SAMD5: variants seen among roughly 807,000 people sequenced by gnomAD.
SAMD5 encodes the protein sterile alpha motif domain-containing protein 5.
Under a neutral mutation model 11.3 loss-of-function variants are expected in SAMD5, and 13 were observed. The ratio of observed to expected loss-of-function variants is 1.15; its 90% CI spans 0.75 to 1.83. The LOEUF (loss-of-function observed/expected upper bound fraction) is 1.83, where lower values mean the gene tolerates loss of function less well. Ranked by LOEUF, SAMD5 falls within the 40% of genes most tolerant of loss-of-function variation. The pLI, the probability that SAMD5 is intolerant of heterozygous loss-of-function variation, is 0.00. For missense variants in SAMD5, 255 were observed against 239.1 expected, an observed-to-expected ratio of 1.07 and a Z score of -0.44; for synonymous variants, 129 against 111.3, an observed-to-expected ratio of 1.16 and a Z score of -1.00.
the SAMD5 span, among the ~76,000 whole-genome samples, chr6:147,780,745 A>G: frequency 2.0e-5 from 3 of 152,236 alleles, no homozygotes; most frequent in African/African-American, 7.2e-5. Context: ...ACTTTTTCAT[A>G]TAATAAATGT....
intron 1 of SAMD5, among the ~76,000 whole-genome samples, chr6:147,582,157 G>A (rs1266325502): frequency 5.3e-5 from 8 of 152,082 alleles, no homozygotes; most frequent in Non-Finnish European, 8.8e-5. Context: ...TCAGAAGTTC[G>A]AGACCAGGCT....
At chr6:147,541,662 C>G (rs1788606215) in intron 1 of SAMD5, among the ~76,000 whole-genome samples, 1 of 152,120 alleles carries the variant, frequency 6.6e-6, no homozygotes, top group South Asian at 2.1e-4. Flanking sequence ...ATCAGCAACC[C>G]CTTCTGAGAT....
chr6:147,855,987 C>A, the SAMD5 span, among the ~76,000 whole-genome samples: 1 of 152,084 alleles, frequency 6.6e-6, no homozygotes, highest in Non-Finnish European at 1.5e-5. Context: ...AATGTACATG[C>A]AAATTGTATT....
chr6:147,635,513 C>G (rs1790217142), intron 1 of SAMD5, among the ~76,000 whole-genome samples: 1 of 152,050 alleles, frequency 6.6e-6, no homozygotes, highest in African/African-American at 2.4e-5. Flanking sequence ...GTTTAATTTC[C>G]CCTTCAGTCT....
chr6:147,725,454 T>A (rs895724448), intron 1 of SAMD5, among the ~76,000 whole-genome samples: 1 of 149,768 alleles, frequency 6.7e-6, no homozygotes, highest in East Asian at 2.1e-4. Context: ...AGTGGCTCAA[T>A]CTCAGCTCGC....
the SAMD5 span, among the ~76,000 whole-genome samples, chr6:147,858,723 C>T: frequency 1.3e-5 from 2 of 152,286 alleles, no homozygotes; most frequent in African/African-American, 2.4e-5. Flanking sequence ...GAACTCTACT[C>T]GTTCCATCTT....
intron 1 of SAMD5, among the ~76,000 whole-genome samples, chr6:147,604,568 T>G (rs1789671175): frequency 6.6e-6 from 1 of 152,204 alleles, no homozygotes; most frequent in African/African-American, 2.4e-5. Context: ...GGATCCAATT[T>G]CAATTCTGGT....
At chr6:147,626,228 C>A (rs192998208) in intron 1 of SAMD5, among the ~76,000 whole-genome samples, 16 of 152,158 alleles carry the variant, frequency 1.1e-4, no homozygotes, top group African/African-American at 3.6e-4. Flanking sequence ...GTGCCAGCAA[C>A]CCCCATCTCA....
chr6:147,515,633 C>T (rs1452618446), intron 1 of SAMD5, among the ~76,000 whole-genome samples: 1 of 140,474 alleles, frequency 7.1e-6, no homozygotes, highest in Non-Finnish European at 1.5e-5. Context: ...TCCATCCTTC[C>T]ACTTAACAAA....
the SAMD5 span, among the ~76,000 whole-genome samples, chr6:147,893,118 C>G: frequency 6.6e-6 from 1 of 151,524 alleles, no homozygotes; most frequent in South Asian, 2.1e-4. Flanking sequence ...AGGAGAATCG[C>G]TTGAACCTGG....
At chr6:147,667,038 A>G (rs754280257) in intron 1 of SAMD5, among the ~76,000 whole-genome samples, 13 of 152,130 alleles carry the variant, frequency 8.5e-5, no homozygotes, top group Non-Finnish European at 1.6e-4. Flanking sequence ...GAAGCCTTCT[A>G]GAGCCCTTCT....
At chr6:147,865,070 T>C in the SAMD5 span, among the ~76,000 whole-genome samples, 1 of 152,202 alleles carries the variant, frequency 6.6e-6, no homozygotes, top group East Asian at 1.9e-4. Flanking sequence ...CCAAACTTAT[T>C]TCACCTAACT....
chr6:147,616,198 AT>A (rs59202800), intron 1 of SAMD5, among the ~76,000 whole-genome samples: 16,425 of 128,660 alleles, frequency 0.13, 2,908 homozygotes, highest in African/African-American at 0.34. Context: ...TTTCATATAT[AT>A]TTATTCATAT....
the SAMD5 span, among the ~76,000 whole-genome samples, chr6:147,824,240 C>T: frequency 6.6e-6 from 1 of 152,144 alleles, no homozygotes; most frequent in African/African-American, 2.4e-5. Flanking sequence ...CTCTTAAGAA[C>T]CTAATTCTAA....
At chr6:147,890,030 T>C in the SAMD5 span, among the ~76,000 whole-genome samples, 1 of 152,182 alleles carries the variant, frequency 6.6e-6, no homozygotes, top group Non-Finnish European at 1.5e-5. Flanking sequence ...AAAAACTCTC[T>C]CGAGACAGTA....
chr6:147,828,788 C>T, the SAMD5 span, among the ~76,000 whole-genome samples: 5 of 152,184 alleles, frequency 3.3e-5, no homozygotes, highest in South Asian at 2.1e-4. Context: ...ACTAATGCAG[C>T]AGAGTTTGGC....
Position 147,569,780 on chromosome 6 carries a change from A to G in SAMD5, c.*5324A>G, listed in dbSNP as rs1449900628. 7.1e-6 allele frequency: 7 copies of G among 985,446 alleles called. No individual in the cohort carries two copies. Among genetic ancestry groups the G allele is most frequent in the Non-Finnish European group, 8.4e-6 (7 of 829,922 alleles). 61.0% of individuals were successfully genotyped at this position (985,446 alleles called of 1,614,324 possible). On this transcript the variant is annotated 3_prime_UTR_variant, in exon 2 of 2. Coordinates refer to ENST00000367474, the MANE Select transcript of SAMD5 (RefSeq NM_001030060.3). The stretch of plus-strand genomic sequence containing the variant: ...TGGGCCTTGGAAAATCTACATGTGT[A>G]TATCTGAGTAGCGAAGCACAGATTC...
chr6:147,566,430 A>G lies in SAMD5; in HGVS notation c.*1974A>G. 1.0e-6 allele frequency: 1 copy of G among 985,506 alleles called. No individual in the cohort carries two copies. The highest frequency in any genetic ancestry group is 1.2e-6 in the Non-Finnish European group (1 of 829,638). 61.0% of individuals were successfully genotyped at this position (985,506 alleles called of 1,614,324 possible). A position where few individuals can be genotyped will look rare whatever the true frequency, so the allele number is the denominator to read the frequency against. On this transcript the variant is annotated 3_prime_UTR_variant, in exon 2 of 2. Coordinates refer to ENST00000367474, the MANE Select transcript of SAMD5 (RefSeq NM_001030060.3). Reference sequence around the variant, plus strand: ...GTTTGACCTCATTTCCAGGTGTCGCATCCGTGGCTGATTTATTTCACAGAT... The same window carrying G: ...GTTTGACCTCATTTCCAGGTGTCGCGTCCGTGGCTGATTTATTTCACAGAT...
chr6:147,898,402 C>T, the SAMD5 span, among the ~76,000 whole-genome samples: 1 of 152,182 alleles, frequency 6.6e-6, no homozygotes, highest in Admixed American at 6.6e-5. Flanking sequence ...TTATTTATCT[C>T]CCTCTAGGAC....
Sources: gnomAD v4.1 joint callset for allele counts (sites outside exome capture counted in the v4.1 genomes callset) on GRCh38, gnomAD v4.1.1 for gene constraint, MANE v1.5 for transcripts, NCBI Gene and HGNC (gene_info 2026-07-23, HGNC 2026-07-21) for gene names.